The following FAR2 variants were observed in gnomAD, a reference collection of about 807,000 sequenced individuals.
The protein encoded by FAR2 is fatty acyl-CoA reductase 2, also known as epididymis secretory protein Li 81.
In FAR2, 19 loss-of-function variants were observed where a neutral mutation model predicts 56.0. The observed-to-expected ratio is 0.34, with a 90% CI of 0.24 to 0.50. FAR2 has a LOEUF of 0.50. Ranked by LOEUF, FAR2 falls within the 20% of genes least tolerant of loss-of-function variation. The pLI, the probability that FAR2 is intolerant of heterozygous loss-of-function variation, is 0.98. For synonymous variants in FAR2, 219 were observed against 218.8 expected (o/e 1.00, Z -0.01); for missense variants, 508 against 642.2 (o/e 0.79, Z 2.26).
chr12:29,301,220 AATGAGT>A (rs1565513401), intron 4 of FAR2, among the ~76,000 whole-genome samples: 1 of 152,348 alleles, frequency 6.6e-6, no homozygotes, highest in East Asian at 1.9e-4. Context: ...TAATGCTTTT[AATGAGT>A]ATGACAAGCC....
At chr12:29,195,532 A>T (rs896227211) in intron 1 of FAR2, among the ~76,000 whole-genome samples, 1 of 152,210 alleles carries the variant, frequency 6.6e-6, no homozygotes, top group African/African-American at 2.4e-5. Context: ...GATGAGATCA[A>T]TTCTGAAGGA....
At chr12:29,264,322 C>G (rs1948475276) in intron 1 of FAR2, among the ~76,000 whole-genome samples, 1 of 152,038 alleles carries the variant, frequency 6.6e-6, no homozygotes, top group Non-Finnish European at 1.5e-5. Flanking sequence ...AGGAACATAC[C>G]TCAACACAAT....
intron 1 of FAR2, among the ~76,000 whole-genome samples, chr12:29,191,012 C>A (rs1481250007): frequency 1.3e-5 from 2 of 152,082 alleles, no homozygotes; most frequent in Non-Finnish European, 2.9e-5. Context: ...TCATTCCTGC[C>A]CCTGTCCTCA....
At chr12:29,179,786 T>A (rs1949975400) in intron 1 of FAR2, among the ~76,000 whole-genome samples, 1 of 152,164 alleles carries the variant, frequency 6.6e-6, no homozygotes, top group Admixed American at 6.5e-5. Flanking sequence ...AAGTAATCAG[T>A]TGTAAGCTGT....
At chr12:29,175,091 A>T (rs756215481) in intron 1 of FAR2, among the ~76,000 whole-genome samples, 4 of 152,162 alleles carry the variant, frequency 2.6e-5, no homozygotes, top group Admixed American at 1.3e-4. Flanking sequence ...GTCACTTTCA[A>T]CTGGCTGACA....
At chr12:29,314,845 A>G (rs1353062198) in intron 8 of FAR2, among the ~76,000 whole-genome samples, 1 of 152,192 alleles carries the variant, frequency 6.6e-6, no homozygotes, top group Non-Finnish European at 1.5e-5. Flanking sequence ...TAAATGCTAA[A>G]TAAATGTATT....
chr12:29,178,710 G>T (rs1949963623), intron 1 of FAR2, among the ~76,000 whole-genome samples: 1 of 152,216 alleles, frequency 6.6e-6, no homozygotes, highest in African/African-American at 2.4e-5. Context: ...TGTAGTATAG[G>T]ATATGGAAAC....
At chr12:29,296,684 T>C (rs1413054702) in intron 3 of FAR2, among the ~76,000 whole-genome samples, 2 of 152,258 alleles carry the variant, frequency 1.3e-5, no homozygotes, top group Admixed American at 1.3e-4. Flanking sequence ...AGATGCTTAA[T>C]TTACATGTTT....
At chr12:29,151,567 A>G (rs906284192) in intron 1 of FAR2, 1 of 152,208 alleles carries the variant, frequency 6.6e-6, no homozygotes, top group African/African-American at 2.4e-5. Flanking sequence ...AATAATTTTC[A>G]AAGAGGCTCT....
At chr12:29,177,115 C>T (rs1591832930) in intron 1 of FAR2, among the ~76,000 whole-genome samples, 4 of 152,150 alleles carry the variant, frequency 2.6e-5, no homozygotes, top group East Asian at 1.9e-4. Flanking sequence ...ATAAATAACC[C>T]GATTACGAGC....
At chr12:29,290,249 C>G (rs1008093568) in intron 2 of FAR2, among the ~76,000 whole-genome samples, 3 of 152,076 alleles carry the variant, frequency 2.0e-5, no homozygotes, top group African/African-American at 7.2e-5. Flanking sequence ...AGTTCAAGAT[C>G]AGCCTGGCCA....
intron 1 of FAR2, among the ~76,000 whole-genome samples, chr12:29,166,092 A>G (rs1262390491): frequency 1.3e-5 from 2 of 152,218 alleles, no homozygotes; most frequent in African/African-American, 4.8e-5. Context: ...CAACATCTAC[A>G]CTATTTATCT....
At chr12:29,255,265 C>T (rs577234768) in intron 1 of FAR2, among the ~76,000 whole-genome samples, 2 of 152,316 alleles carry the variant, frequency 1.3e-5, no homozygotes, top group East Asian at 3.9e-4. Flanking sequence ...CCTCACATAG[C>T]CTTTCTCTGT....
chr12:29,321,159 A>C (rs1949544845), intron 9 of FAR2, among the ~76,000 whole-genome samples: 1 of 151,958 alleles, frequency 6.6e-6, no homozygotes, highest in Non-Finnish European at 1.5e-5. Context: ...TACAGTCAAC[A>C]CTTCTGCCCA....
intron 1 of FAR2, among the ~76,000 whole-genome samples, chr12:29,234,814 C>T (rs967795239): frequency 3.9e-5 from 6 of 152,206 alleles, no homozygotes; most frequent in African/African-American, 1.2e-4. Flanking sequence ...CCTCAGAAAA[C>T]CATTTCATGA....
chr12:29,152,579 G>T (rs1323494274), intron 1 of FAR2, among the ~76,000 whole-genome samples: 3 of 152,204 alleles, frequency 2.0e-5, no homozygotes. Flanking sequence ...TCTTCTAATG[G>T]CACTAGAAGG....
intron 8 of FAR2, 96 bp downstream of exon 8, chr12:29,312,046 A>G: frequency 1.2e-6 from 1 of 819,888 alleles, no homozygotes; most frequent in Non-Finnish European, 2.0e-6. Context: ...TTATATGGGG[A>G]GAAAGACAAA....
At chr12:29,181,503 A>G (rs758062026) in intron 1 of FAR2, among the ~76,000 whole-genome samples, 1 of 152,208 alleles carries the variant, frequency 6.6e-6, no homozygotes, top group Admixed American at 6.5e-5. Flanking sequence ...CTGCTTCCGG[A>G]AACTTTCAGT....
At chr12:29,165,963 TA>T (rs1565678658) in intron 1 of FAR2, among the ~76,000 whole-genome samples, 1 of 152,256 alleles carries the variant, frequency 6.6e-6, no homozygotes, top group African/African-American at 2.4e-5. Flanking sequence ...TCCTGTCCTA[TA>T]GCAGTTAGAA....
Sources: allele counts gnomAD v4.1 joint callset (sites outside exome capture counted in the v4.1 genomes callset), GRCh38; gene constraint gnomAD v4.1.1; transcripts MANE v1.5; gene names NCBI Gene and HGNC (gene_info 2026-07-23, HGNC 2026-07-21).